VPS26A: variants seen among roughly 807,000 people sequenced by gnomAD.
VPS26A encodes the protein VPS26 retromer complex component A.
VPS26A carries 22 observed loss-of-function variants against 42.4 expected under a neutral mutation model. The observed-to-expected ratio is 0.52, with a 90% CI of 0.37 to 0.74. The LOEUF is 0.74. VPS26A is among the 30% of genes least tolerant of loss of function. The probability of loss-of-function intolerance (pLI) is 0.00; values close to 1 mark genes in which losing one functional copy is unlikely to be tolerated. For synonymous variants in VPS26A, 110 were observed against 123.5 expected (o/e 0.89, Z 0.73); for missense variants, 276 against 379.2 (o/e 0.73, Z 2.26).
intron 2 of VPS26A, among the ~76,000 whole-genome samples, chr10:69,147,086 T>G (rs1161916161): frequency 1.3e-5 from 2 of 152,218 alleles, no homozygotes; most frequent in African/African-American, 4.8e-5. Context: ...CAACACTTAC[T>G]AATATGTCTA....
chr10:69,124,587 G>T (rs1004366845), intron 1 of VPS26A, among the ~76,000 whole-genome samples: 2 of 152,198 alleles, frequency 1.3e-5, no homozygotes, highest in Non-Finnish European at 2.9e-5. Flanking sequence ...CTCTGCGGGG[G>T]CTGGTCGCCG....
chr10:69,134,000 T>A lies in VPS26A; in HGVS notation c.153+953T>A, dbSNP rs147789522. ...CCACACCTGACTGATTATTCTTATA[T>A]TTTAGGGAGTATGATCAATACTTAT... is the stretch of plus-strand genomic sequence containing the variant. On this transcript the variant is annotated intron_variant, in intron 2 of 8. Transcript: ENST00000263559. Among the ~76,000 whole-genome samples, 313 of 152,258 alleles carry A rather than the reference T, an allele frequency of 2.1e-3. 1 individual carries two copies. Among genetic ancestry groups the A allele is most frequent in the Non-Finnish European group, 3.6e-3 (245 of 68,014 alleles).
intron 4 of VPS26A, among the ~76,000 whole-genome samples, chr10:69,157,696 C>G (rs895096128): frequency 6.6e-6 from 1 of 152,172 alleles, no homozygotes; most frequent in African/African-American, 2.4e-5. Context: ...ATCTTGCTTT[C>G]TCTGTTTAAC....
intron 7 of VPS26A, 98 bp from the exon 8 acceptor site, chr10:69,168,391 G>T (rs1482975418): frequency 1.6e-6 from 2 of 1,277,070 alleles, no homozygotes; most frequent in Non-Finnish European, 2.2e-6. Context: ...TCATGAGGAT[G>T]TGAAGCATTA....
At position 69,143,663 on chromosome 10, in the gene VPS26A, A is replaced by G. The variant is rs149654340; in HGVS notation, c.153+10616A>G. Among the ~76,000 whole-genome samples, 9 of 152,218 alleles carry G rather than the reference A, an allele frequency of 5.9e-5. No individual in the cohort carries two copies. The East Asian group carries it at 1.4e-3, about 23-fold the overall frequency. On this transcript the variant is annotated intron_variant, in intron 2 of 8. Transcript: ENST00000263559. ...TGCTATTTCCTTTAGTTATTGTTCA[A>G]GAACCCTGGGTTTTGAGTCTTTATC...
intron 2 of VPS26A, among the ~76,000 whole-genome samples, chr10:69,141,355 G>C (rs1841034663): frequency 6.6e-6 from 1 of 152,222 alleles, no homozygotes; most frequent in Non-Finnish European, 1.5e-5. Flanking sequence ...GCCATGCTCA[G>C]TGATGGAGCA....
intron 1 of VPS26A, among the ~76,000 whole-genome samples, chr10:69,125,477 G>A (rs878980098): frequency 6.6e-6 from 1 of 152,190 alleles, no homozygotes; most frequent in Admixed American, 6.5e-5. Context: ...AATTAGAATT[G>A]TGACAGATAC....
chr10:69,158,899 T>C (rs1841490799), intron 5 of VPS26A, among the ~76,000 whole-genome samples: 1 of 152,190 alleles, frequency 6.6e-6, no homozygotes, highest in Non-Finnish European at 1.5e-5. Context: ...TTAAATTATA[T>C]ATGTGGAATT....
rs767539058 is a variant in VPS26A, at chr10:69,124,259, C to CGCG, written c.-9_-7dup. On this transcript the variant is annotated 5_prime_UTR_variant, in exon 1 of 9. Transcript: ENST00000263559. Reference sequence around the variant, plus strand: ...GGGAAGAGGAGTGGAGTAGGGGGGACGCGGCGGCGGCGTTGACAATGGTGA... The same window carrying CGCG: ...GGGAAGAGGAGTGGAGTAGGGGGGACGCGGCGGCGGCGGCGTTGACAATGGTGA... The CGCG allele has an allele frequency of 5.5e-6, 7 of 1,282,042 alleles. No individual in the cohort carries two copies. Among genetic ancestry groups the CGCG allele is most frequent in the African/African-American group, 3.1e-5 (2 of 65,540 alleles). 79.4% of individuals were successfully genotyped at this position (1,282,042 alleles called of 1,614,324 possible).
chr10:69,124,241 G>C lies in VPS26A; in HGVS notation c.-37G>C. ...GGCTGGGAGTTCTCCTGAGGGAAGAGGAGTGGAGTAGGGGGGACGCGGCGG... is the reference window on the plus strand; with the variant it reads ...GGCTGGGAGTTCTCCTGAGGGAAGACGAGTGGAGTAGGGGGGACGCGGCGG... On this transcript the variant is annotated 5_prime_UTR_variant, in exon 1 of 9. Coordinates refer to ENST00000263559, the MANE Select transcript of VPS26A (RefSeq NM_004896.5). 7.8e-7 allele frequency: 1 copy of C among 1,284,910 alleles called. No individual in the cohort carries two copies. The highest frequency in any genetic ancestry group is 3.0e-5 in the East Asian group (1 of 33,842). The allele number at this position is 1,284,910 out of a possible 1,614,324, so 79.6% of individuals were successfully genotyped here. A position where few individuals can be genotyped will look rare whatever the true frequency, so the allele number is the denominator to read the frequency against.
chr10:69,158,751 T>C (rs1228899742), intron 5 of VPS26A, among the ~76,000 whole-genome samples: 1 of 152,212 alleles, frequency 6.6e-6, no homozygotes, highest in African/African-American at 2.4e-5. Flanking sequence ...AATCCTCATG[T>C]ACCCATTGCC....
At chr10:69,166,706 T>A (rs1405381966) in intron 7 of VPS26A, among the ~76,000 whole-genome samples, 4 of 152,226 alleles carry the variant, frequency 2.6e-5, no homozygotes, top group African/African-American at 4.8e-5. Context: ...TCCCTTATGA[T>A]GCATGTATGT....
intron 2 of VPS26A, among the ~76,000 whole-genome samples, chr10:69,150,978 G>A (rs755838845): frequency 6.6e-6 from 1 of 151,672 alleles, no homozygotes; most frequent in Non-Finnish European, 1.5e-5. Flanking sequence ...TAAGACTCTT[G>A]ACATAGGTTG....
intron 1 of VPS26A, among the ~76,000 whole-genome samples, chr10:69,131,052 C>G (rs2132185924): frequency 6.6e-6 from 1 of 152,244 alleles, no homozygotes; most frequent in Admixed American, 6.5e-5. Context: ...GTGGTGCGAT[C>G]TTGGCTCACT....
intron 2 of VPS26A, among the ~76,000 whole-genome samples, chr10:69,144,094 CAA>C (rs34061429): frequency 0.042 from 6,330 of 152,218 alleles, 459 homozygotes; most frequent in African/African-American, 0.14. Flanking sequence ...GATACATACT[CAA>C]GAGCTCTTTT....
intron 1 of VPS26A, among the ~76,000 whole-genome samples, chr10:69,127,965 T>G (rs1840699161): frequency 6.6e-6 from 1 of 152,042 alleles, no homozygotes; most frequent in African/African-American, 2.4e-5. Flanking sequence ...CCCAAAGTGC[T>G]AGGATTACAG....
intron 1 of VPS26A, among the ~76,000 whole-genome samples, chr10:69,127,629 A>T (rs565610443): frequency 6.6e-6 from 1 of 151,168 alleles, no homozygotes; most frequent in African/African-American, 2.4e-5. Flanking sequence ...GTAATTTATT[A>T]CTCAACCTAT....
At chr10:69,127,516 G>C (rs1374017908) in intron 1 of VPS26A, among the ~76,000 whole-genome samples, 3 of 150,218 alleles carry the variant, frequency 2.0e-5, no homozygotes, top group African/African-American at 7.3e-5. Flanking sequence ...TAGCGCCACT[G>C]CACTCCGGCC....
At chr10:69,162,564 T>C in intron 6 of VPS26A, 52 bp downstream of exon 6, 1 of 1,131,366 alleles carries the variant, frequency 8.8e-7, no homozygotes, top group East Asian at 2.7e-5. Context: ...GTTGACATTT[T>C]TAAAATCTTA....
Sources: gnomAD v4.1 joint callset for allele counts (sites outside exome capture counted in the v4.1 genomes callset) on GRCh38, gnomAD v4.1.1 for gene constraint, MANE v1.5 for transcripts, NCBI Gene and HGNC (gene_info 2026-07-23, HGNC 2026-07-21) for gene names.